The following NOTCH2NLA variants were observed in gnomAD, a reference collection of about 807,000 sequenced individuals.
NOTCH2NLA encodes the protein notch homolog 2 N-terminal-like protein A.
In NOTCH2NLA at chr1:146,228,777, G is replaced by A. The variant is rs1553820489; in HGVS notation, c.-113C>T. Reference sequence around the variant, plus strand: ...CCACAGCAGAGCGGGGCGCAGGGCGGGTATCTTCTCGGTCGCCTCCTCCGC... The same window carrying A: ...CCACAGCAGAGCGGGGCGCAGGGCGAGTATCTTCTCGGTCGCCTCCTCCGC... On this transcript the variant is annotated 5_prime_UTR_variant, in exon 1 of 5. Transcript: ENST00000362074. The A allele has an allele frequency of 5.7e-6, 9 of 1,574,138 alleles. 1 individual carries two copies. The South Asian group carries it at 7.9e-5, about 14-fold the overall frequency.
At chr1:146,154,102 T>C (rs1189324052), downstream of NOTCH2NLA, 1 of 124,976 alleles carries the variant, frequency 8.0e-6, no homozygotes, top group African/African-American at 3.2e-5. Flanking sequence ...ATTAGGAGTG[T>C]CTTGGTTTTC....
chr1:146,159,885 G>C (rs1282910218), intron 3 of NOTCH2NLA, among the ~76,000 whole-genome samples: 3 of 36,330 alleles, frequency 8.3e-5, no homozygotes, highest in African/African-American at 2.3e-4. Flanking sequence ...GAAGAATGGC[G>C]TGAACCCGGG....
chr1:146,148,881 GC>G (rs1660874349), intron 4 of NOTCH2NLA, among the ~76,000 whole-genome samples: 1 of 16,862 alleles, frequency 5.9e-5, no homozygotes, highest in Non-Finnish European at 1.2e-4. Flanking sequence ...AAGACACCTT[GC>G]TTTATTACTG....
intron 2 of NOTCH2NLA, among the ~76,000 whole-genome samples, chr1:146,171,427 T>G (rs587665327): frequency 7.3e-6 from 1 of 137,836 alleles, no homozygotes; most frequent in Non-Finnish European, 1.7e-5. Flanking sequence ...CGAGACTCCC[T>G]CTCAAAAAAA....
chr1:146,171,297 GGC>G, intron 2 of NOTCH2NLA, among the ~76,000 whole-genome samples: 1 of 134,544 alleles, frequency 7.4e-6, no homozygotes, highest in East Asian at 2.0e-4. Context: ...CAGGCGTGGT[GGC>G]GGGCGCCTGT....
intron 2 of NOTCH2NLA, among the ~76,000 whole-genome samples, chr1:146,174,429 C>T (rs1280512659): frequency 7.2e-5 from 8 of 110,392 alleles, no homozygotes; most frequent in East Asian, 5.1e-4. Flanking sequence ...TTTTTTAAAA[C>T]GAGGATTTGG....
chr1:146,177,877 T>C (rs1553808479), intron 2 of NOTCH2NLA, among the ~76,000 whole-genome samples: 3 of 141,630 alleles, frequency 2.1e-5, no homozygotes, highest in Non-Finnish European at 4.9e-5. Flanking sequence ...TTTGTGGTTG[T>C]ATATGTCTTG....
At position 146,187,807 on chromosome 1, in the gene NOTCH2NLA, C is replaced by T. The variant is rs1553810589; in HGVS notation, c.38+1493G>A. Among the ~76,000 whole-genome samples, 3 of 136,578 alleles carry T rather than the reference C, an allele frequency of 2.2e-5. 1 individual carries two copies. 89.6% of individuals were successfully genotyped at this position (136,578 alleles called of 152,430 possible). ...ATTAAGTTCCCTCCCTTATTATCTCCAGTTGTATCTCCATTCTTAGAGGAG... is the reference window on the plus strand; with the variant it reads ...ATTAAGTTCCCTCCCTTATTATCTCTAGTTGTATCTCCATTCTTAGAGGAG... On this transcript the variant is annotated intron_variant, in intron 2 of 4. Transcript: ENST00000362074.
Position 146,174,763 on chromosome 1 carries a change from T to C in NOTCH2NLA, c.39-9753A>G, listed in dbSNP as rs1229754646. Among the ~76,000 whole-genome samples, 13 of 142,690 alleles carry C rather than the reference T, an allele frequency of 9.1e-5. No individual in the cohort carries two copies. The East Asian group carries it at 2.3e-3, about 25-fold the overall frequency. 93.6% of individuals were successfully genotyped at this position (142,690 alleles called of 152,430 possible). On this transcript the variant is annotated intron_variant, in intron 2 of 4. Transcript: ENST00000362074. Reference sequence around the variant, plus strand: ...CAGTGGCAGCCTGCCCTAGCTGAGCTCTAGAGGGGGGAGCTGTCGTTAAGG... The same window carrying C: ...CAGTGGCAGCCTGCCCTAGCTGAGCCCTAGAGGGGGGAGCTGTCGTTAAGG...
chr1:146,207,808 C>T (rs1264749081), intron 1 of NOTCH2NLA, among the ~76,000 whole-genome samples: 3 of 104,050 alleles, frequency 2.9e-5, no homozygotes, highest in African/African-American at 1.0e-4. Flanking sequence ...AGGCCCAATA[C>T]CACTTTCTTT....
At chr1:146,198,928 A>G (rs1476291282) in intron 1 of NOTCH2NLA, among the ~76,000 whole-genome samples, 4 of 24,416 alleles carry the variant, frequency 1.6e-4, no homozygotes, top group Non-Finnish European at 3.3e-4. Context: ...AGTAGCTGGG[A>G]CTATAGGTGC....
At chr1:146,228,120 T>A (rs371949138) in intron 1 of NOTCH2NLA, among the ~76,000 whole-genome samples, 1 of 136,128 alleles carries the variant, frequency 7.3e-6, no homozygotes, top group African/African-American at 2.9e-5. Context: ...CCTCCGGACT[T>A]TCGGTGGGGT....
chr1:146,219,451 A>G (rs1433814423), intron 1 of NOTCH2NLA, among the ~76,000 whole-genome samples: 4 of 116,376 alleles, frequency 3.4e-5, no homozygotes, highest in African/African-American at 8.0e-5. Context: ...ATTGGTAGCA[A>G]TTTGATGTTA....
Position 146,219,764 on chromosome 1 carries a change from C to CAT in NOTCH2NLA, c.-45+8943_-45+8944dup, listed in dbSNP as rs376980962. ...GACAATAGTATATTATGTGTGTGTGCATATATATATATGTAGATCTGTTCA... is the reference window on the plus strand; with the variant it reads ...GACAATAGTATATTATGTGTGTGTGCATATATATATATATGTAGATCTGTTCA... On this transcript the variant is annotated intron_variant, in intron 1 of 4. Coordinates refer to ENST00000362074, the Ensembl canonical transcript of NOTCH2NLA. Among the ~76,000 whole-genome samples, 6 of 68,692 alleles carry CAT rather than the reference C, an allele frequency of 8.7e-5. 1 individual carries two copies. Among genetic ancestry groups the CAT allele is most frequent in the African/African-American group, 3.6e-4 (4 of 11,064 alleles). The allele number at this position is 68,692 out of a possible 152,430, so 45.1% of individuals were successfully genotyped here. A position where few individuals can be genotyped will look rare whatever the true frequency, so the allele number is the denominator to read the frequency against.
chr1:146,200,438 A>AAATAT (rs1260352404), intron 1 of NOTCH2NLA, among the ~76,000 whole-genome samples: 3 of 19,848 alleles, frequency 1.5e-4, no homozygotes, highest in Middle Eastern at 9.8e-3. Context: ...AAAAAAAAAA[A>AAATAT]ATATATATAT....
chr1:146,180,444 A>T (rs1662490540), intron 2 of NOTCH2NLA, among the ~76,000 whole-genome samples: 1 of 141,086 alleles, frequency 7.1e-6, no homozygotes, highest in South Asian at 2.2e-4. Context: ...TTTTGAGCAG[A>T]AATTAACTGC....
chr1:146,174,575 G>A (rs1315739441), intron 2 of NOTCH2NLA, among the ~76,000 whole-genome samples: 4 of 143,014 alleles, frequency 2.8e-5, no homozygotes, highest in Non-Finnish European at 6.3e-5. Flanking sequence ...TGGAACGAAG[G>A]GGAAAAAAAA....
rs1469731143 is a variant in NOTCH2NLA, at chr1:146,187,846, T to C, written c.38+1454A>G. On this transcript the variant is annotated intron_variant, in intron 2 of 4. Transcript: ENST00000362074. ...TTCTTAGAGGAGAATGCACCACATT[T>C]TTTTTTCCCCCAGCTAGAAAAACTA... Among the ~76,000 whole-genome samples, 5 of 136,652 alleles carry C rather than the reference T, an allele frequency of 3.7e-5. 1 individual carries two copies. The highest frequency in any genetic ancestry group is 8.5e-5 in the Non-Finnish European group (5 of 58,986). 89.6% of individuals were successfully genotyped at this position (136,652 alleles called of 152,430 possible). A position where few individuals can be genotyped will look rare whatever the true frequency, so the allele number is the denominator to read the frequency against.
At chr1:146,158,265 A>G (rs1186150844) in intron 3 of NOTCH2NLA, among the ~76,000 whole-genome samples, 1 of 147,158 alleles carries the variant, frequency 6.8e-6, no homozygotes, top group East Asian at 2.0e-4. Flanking sequence ...TGCTGCACCC[A>G]TTAACTCGTC....
Sources: gnomAD v4.1 joint callset for allele counts (sites outside exome capture counted in the v4.1 genomes callset) on GRCh38, gnomAD v4.1.1 for gene constraint, MANE v1.5 for transcripts, NCBI Gene and HGNC (gene_info 2026-07-23, HGNC 2026-07-21) for gene names.